The following BCAS1 variants were observed in gnomAD, a reference collection of about 807,000 sequenced individuals.
BCAS1 encodes breast carcinoma-amplified sequence 1.
BCAS1 carries 46 observed loss-of-function variants against 65.4 expected under a neutral mutation model. The ratio of observed to expected loss-of-function variants is 0.70; its 90% confidence interval spans 0.55 to 0.90. The LOEUF (loss-of-function observed/expected upper bound fraction) is 0.90. Ranked by LOEUF, BCAS1 falls within the 40% of genes least tolerant of loss-of-function variation. BCAS1 has a pLI of 0.00. For missense variants in BCAS1, 793 were observed against 771.2 expected, an observed-to-expected ratio of 1.03 and a Z score of -0.33; for synonymous variants, 298 against 293.5, an observed-to-expected ratio of 1.02 and a Z score of -0.16.
In BCAS1 at chr20:54,069,981, A is replaced by C. The variant is rs112563379; in HGVS notation, c.-6+452T>G. 2.3e-3 allele frequency among the ~76,000 whole-genome samples: 347 copies of C among 152,104 alleles called. 1 individual carries two copies. Among genetic ancestry groups the C allele is most frequent in the Non-Finnish European group, 3.7e-3 (251 of 67,974 alleles). On this transcript the variant is annotated intron_variant, in intron 1 of 12. Coordinates refer to ENST00000688948, the MANE Select transcript of BCAS1 (RefSeq NM_001366298.2). ...GCGTTAAATAAGATTCACAAAAGGCACTCCACAAGTCCTTTTTCTTGTCCT... is the reference window on the plus strand; with the variant it reads ...GCGTTAAATAAGATTCACAAAAGGCCCTCCACAAGTCCTTTTTCTTGTCCT...
At chr20:54,021,299 A>T (rs1878440413) in intron 4 of BCAS1, among the ~76,000 whole-genome samples, 1 of 151,752 alleles carries the variant, frequency 6.6e-6, no homozygotes, top group East Asian at 1.9e-4. Flanking sequence ...CAATAGAGTC[A>T]ATATCACAAT....
rs139488468 is a variant in BCAS1, at chr20:54,028,823, T to C, written c.292A>G (p.Met98Val). Residue 98 changes from methionine (M) to valine (V), a missense_variant, in exon 4 of 13, where the codon ATG (methionine) becomes GTG (valine). Physicochemically the swap from Met to Val is conservative, Grantham distance 21. Coordinates refer to ENST00000688948, the MANE Select transcript of BCAS1 (RefSeq NM_001366298.2). ...CGTCCTGGTACAGGCCGAGAGAGCA[T>C]CAAGAAAAAACGAGATTTAGCAGCT... ...APAAKSRFFL[M>V]LSRPVPGRTG... 1.9e-6 allele frequency: 3 copies of C among 1,614,008 alleles called. No individual in the cohort carries two copies. In the African/African-American group the frequency reaches 4.0e-5, roughly 22 times the overall value.
intron 4 of BCAS1, among the ~76,000 whole-genome samples, chr20:54,013,367 G>C (rs1014950055): frequency 2.6e-5 from 4 of 152,200 alleles, no homozygotes; most frequent in Non-Finnish European, 4.4e-5. Flanking sequence ...GCTTTTGTGT[G>C]TATGACTAGA....
At chr20:54,036,935 T>G (rs1193686964) in intron 3 of BCAS1, among the ~76,000 whole-genome samples, 1 of 151,286 alleles carries the variant, frequency 6.6e-6, no homozygotes, top group East Asian at 1.9e-4. Context: ...ATTTTCAAAG[T>G]ACCAAATATT....
chr20:53,983,412 C>T (rs6022892), intron 8 of BCAS1, among the ~76,000 whole-genome samples: 1 of 152,070 alleles, frequency 6.6e-6, no homozygotes, highest in Non-Finnish European at 1.5e-5. Flanking sequence ...TCATTTGCAT[C>T]TTACAAGTGA....
At position 53,944,900 on chromosome 20, in the gene BCAS1, G is replaced by A; in HGVS notation, c.*22C>T. ...ACACATCTTGGTGGCAGGAGAACCT[G>A]GTGGGAACCGTGCTGATTTGTTTAC... On this transcript the variant is annotated 3_prime_UTR_variant, in exon 13 of 13. Transcript: ENST00000688948. The A allele has an allele frequency of 6.2e-7, 1 of 1,610,708 alleles. No homozygotes were observed. Among genetic ancestry groups the A allele is most frequent in the South Asian group, 1.1e-5 (1 of 90,984 alleles).
At chr20:54,029,047 T>C (rs1471663181) in intron 3 of BCAS1, 75 bp from the exon 4 acceptor site, 9 of 1,498,142 alleles carry the variant, frequency 6.0e-6, no homozygotes, top group South Asian at 1.3e-5. Context: ...ACTCCAGACA[T>C]TTTTTATACA....
intron 7 of BCAS1, among the ~76,000 whole-genome samples, chr20:53,991,810 A>G (rs1348284651): frequency 6.6e-6 from 1 of 152,238 alleles, no homozygotes; most frequent in Non-Finnish European, 1.5e-5. Flanking sequence ...CCCAAAATGT[A>G]GGAAGCATAC....
intron 8 of BCAS1, 101 bp downstream of exon 8, chr20:53,985,186 A>C: frequency 2.6e-6 from 3 of 1,144,496 alleles, no homozygotes; most frequent in Non-Finnish European, 2.6e-6. Flanking sequence ...AAGAAGAAAC[A>C]CCTTCCATAC....
intron 10 of BCAS1, among the ~76,000 whole-genome samples, chr20:53,965,861 C>G (rs1271138292): frequency 6.6e-6 from 1 of 151,656 alleles, no homozygotes; most frequent in African/African-American, 2.4e-5. Context: ...CATTGACCAC[C>G]AAGAGAAGGA....
intron 3 of BCAS1, among the ~76,000 whole-genome samples, chr20:54,051,173 A>G (rs1263612814): frequency 6.6e-6 from 1 of 152,126 alleles, no homozygotes; most frequent in Non-Finnish European, 1.5e-5. Context: ...TCTTTCTAGG[A>G]TGATTAATTT....
At chr20:53,967,587 T>C (rs1359320570) in intron 9 of BCAS1, among the ~76,000 whole-genome samples, 1 of 152,250 alleles carries the variant, frequency 6.6e-6, no homozygotes, top group Non-Finnish European at 1.5e-5. Context: ...ACTTCCTCAT[T>C]AAGCGATATC....
At chr20:54,016,220 C>G (rs140047633) in intron 4 of BCAS1, among the ~76,000 whole-genome samples, 2,730 of 152,238 alleles carry the variant, frequency 0.018, 35 homozygotes, top group Middle Eastern at 0.037. Flanking sequence ...ATATGAAAGA[C>G]CTATTGGATC....
chr20:54,004,466 G>A (rs2091136523), intron 4 of BCAS1, among the ~76,000 whole-genome samples: 1 of 152,232 alleles, frequency 6.6e-6, no homozygotes, highest in African/African-American at 2.4e-5. Context: ...ATATTTTTGT[G>A]TAGGTGAAGT....
At chr20:54,066,360 C>T (rs1161287098) in intron 1 of BCAS1, among the ~76,000 whole-genome samples, 2 of 152,222 alleles carry the variant, frequency 1.3e-5, no homozygotes, top group Non-Finnish European at 2.9e-5. Flanking sequence ...GCGTGAGCCA[C>T]CGGGCCCGGC....
chr20:53,946,330 C>T (rs978697908), intron 12 of BCAS1, among the ~76,000 whole-genome samples: 2 of 151,864 alleles, frequency 1.3e-5, no homozygotes, highest in Non-Finnish European at 2.9e-5. Context: ...CTGCCTTTGC[C>T]AGGATGTCAT....
In BCAS1 at chr20:53,975,427, C is replaced by T. The variant is rs766822609; in HGVS notation, c.1279G>A (p.Val427Ile). 1.9e-5 allele frequency: 30 copies of T among 1,611,824 alleles called. No individual in the cohort carries two copies. In the Admixed American group the frequency reaches 4.8e-4, roughly 26 times the overall value. The change falls in exon 9 of 13, where the codon GTT (valine) becomes ATT (isoleucine). Residue 427 changes from valine to isoleucine, a missense_variant. Physicochemically the swap from Val to Ile is conservative, Grantham distance 29. Coordinates refer to ENST00000688948, the MANE Select transcript of BCAS1 (RefSeq NM_001366298.2). Reference sequence around the variant, plus strand: ...CCTGTGGGGACTGAGTCCTCTTTAACTGACTAAAGGAAGATAAAAACAAAA... The same window carrying T: ...CCTGTGGGGACTGAGTCCTCTTTAATTGACTAAAGGAAGATAAAAACAAAA... ...PLGKLFWKKS[V>I]KEDSVPTGAE...
At chr20:53,991,066 T>C (rs573368175) in intron 7 of BCAS1, among the ~76,000 whole-genome samples, 17 of 152,316 alleles carry the variant, frequency 1.1e-4, no homozygotes, top group Admixed American at 7.2e-4. Flanking sequence ...TAAAATTTTG[T>C]AGTGCATGAA....
At chr20:54,017,412 T>TTTTTTTTGTTTTTTTTCTTTCTTTTTCCC (rs2091462779) in intron 4 of BCAS1, among the ~76,000 whole-genome samples, 1 of 151,718 alleles carries the variant, frequency 6.6e-6, no homozygotes. Flanking sequence ...TTTTTTTTTT[T>TTTTTTTTGTTTTTTTTCTTTCTTTTTCCC]TGAGGTGGAG....
Sources: gnomAD v4.1 joint callset for allele counts (sites outside exome capture counted in the v4.1 genomes callset) on GRCh38, gnomAD v4.1.1 for gene constraint, MANE v1.5 for transcripts, NCBI Gene and HGNC (gene_info 2026-07-23, HGNC 2026-07-21) for gene names.